Variants in PCDH15 observed in about 807,000 individuals in gnomAD.
PCDH15 encodes the protein protocadherin related 15.
A neutral mutation model predicts 178.5 loss-of-function variants in PCDH15; 129 were observed. The ratio of observed to expected loss-of-function variants is 0.72; its 90% CI spans 0.63 to 0.84. The LOEUF (loss-of-function observed/expected upper bound fraction) is 0.84. PCDH15 is among the 40% of genes least tolerant of loss of function. The probability of loss-of-function intolerance (pLI) is 0.00; values close to 1 mark genes in which losing one functional copy is unlikely to be tolerated. For synonymous variants in PCDH15, 800 were observed against 732.0 expected (o/e 1.09, Z -1.50); for missense variants, 2,230 against 2,099.9 (o/e 1.06, Z -1.21).
At chr10:53,878,759 G>C (rs1004732575) in intron 26 of PCDH15, among the ~76,000 whole-genome samples, 1 of 151,834 alleles carries the variant, frequency 6.6e-6, no homozygotes, top group Non-Finnish European at 1.5e-5. Flanking sequence ...GTGGTACCAC[G>C]TGCAGTCAGT....
chr10:54,071,920 A>T (rs77969317), intron 17 of PCDH15, among the ~76,000 whole-genome samples: 2,531 of 152,048 alleles, frequency 0.017, 70 homozygotes, highest in African/African-American at 0.056. Context: ...AATGTGTCTA[A>T]CGTGTTTACT....
chr10:54,581,999 G>T (rs2091085947), intron 2 of PCDH15, among the ~76,000 whole-genome samples: 2 of 151,956 alleles, frequency 1.3e-5, no homozygotes, highest in Non-Finnish European at 2.9e-5. Context: ...CATCATTTTT[G>T]ACATTAGGCT....
intron 2 of PCDH15, among the ~76,000 whole-genome samples, chr10:55,328,194 C>T (rs981486101): frequency 6.6e-6 from 1 of 151,484 alleles, no homozygotes. Flanking sequence ...CACACATACA[C>T]ACTACACTAT....
At chr10:54,252,034 A>C (rs1019092821) in intron 8 of PCDH15, among the ~76,000 whole-genome samples, 3 of 152,072 alleles carry the variant, frequency 2.0e-5, no homozygotes, top group African/African-American at 7.2e-5. Flanking sequence ...AAGGGATTCA[A>C]GTGTGTTTGA....
intron 32 of PCDH15, chr10:53,823,524 GAAAGGCAGGGCAGA>G (rs2076456824): frequency 5.1e-6 from 4 of 781,778 alleles, no homozygotes; most frequent in African/African-American, 1.7e-5. Flanking sequence ...CCTGCTCTTA[GAAAGGCAGGGCAGA>G]AAAATCTTAG....
chr10:54,516,293 C>A (rs1322472810), intron 3 of PCDH15, among the ~76,000 whole-genome samples: 1 of 120,012 alleles, frequency 8.3e-6, no homozygotes, highest in East Asian at 3.2e-4. Flanking sequence ...CAATGGCAAA[C>A]AAGTTAAAAA....
intron 25 of PCDH15, among the ~76,000 whole-genome samples, chr10:53,910,866 G>T (rs189145865): frequency 1.3e-5 from 2 of 152,096 alleles, no homozygotes; most frequent in Non-Finnish European, 2.9e-5. Context: ...CATGACACAT[G>T]AACAAGCTTC....
At chr10:55,335,090 G>C (rs1438331888) in intron 2 of PCDH15, among the ~76,000 whole-genome samples, 1 of 152,208 alleles carries the variant, frequency 6.6e-6, no homozygotes, top group African/African-American at 2.4e-5. Flanking sequence ...TTCTTCCTAA[G>C]TATCCATAGC....
intron 2 of PCDH15, among the ~76,000 whole-genome samples, chr10:54,544,596 T>C (rs923373001): frequency 1.3e-5 from 2 of 152,156 alleles, no homozygotes; most frequent in African/African-American, 4.8e-5. Flanking sequence ...TGTTTGCATA[T>C]ATCATACATT....
chr10:55,265,240 G>C (rs1842253928), intron 1 of PCDH15, among the ~76,000 whole-genome samples: 1 of 151,182 alleles, frequency 6.6e-6, no homozygotes, highest in Non-Finnish European at 1.5e-5. Context: ...GGGGGATCTT[G>C]GTAAGTTTCC....
chr10:54,411,197 G>C (rs1953454095), intron 3 of PCDH15, among the ~76,000 whole-genome samples: 1 of 140,312 alleles, frequency 7.1e-6, no homozygotes, highest in African/African-American at 2.6e-5. Context: ...TTTAACTACA[G>C]GCATGCTTAT....
chr10:54,242,285 A>T (rs942377696), intron 8 of PCDH15, among the ~76,000 whole-genome samples: 1 of 149,910 alleles, frequency 6.7e-6, no homozygotes, highest in Non-Finnish European at 1.5e-5. Flanking sequence ...ATTTAATAAA[A>T]TCTCAGCTTT....
chr10:55,282,181 T>C (rs1366153666), intron 1 of PCDH15, among the ~76,000 whole-genome samples: 1 of 152,214 alleles, frequency 6.6e-6, no homozygotes, highest in African/African-American at 2.4e-5. Flanking sequence ...TAAGACTCTG[T>C]ACCTCACTTC....
intron 8 of PCDH15, among the ~76,000 whole-genome samples, chr10:54,303,114 T>C (rs1188903866): frequency 6.6e-6 from 1 of 152,168 alleles, no homozygotes; most frequent in Non-Finnish European, 1.5e-5. Flanking sequence ...GGACTGGCTT[T>C]AAGAATTGGT....
chr10:54,557,246 G>A (rs1374577126), intron 2 of PCDH15, among the ~76,000 whole-genome samples: 41 of 152,080 alleles, frequency 2.7e-4, no homozygotes. Context: ...AGGTATTTTG[G>A]ACAATGATAA....
At chr10:55,114,298 C>G (rs555202342) in intron 2 of PCDH15, among the ~76,000 whole-genome samples, 38 of 152,280 alleles carry the variant, frequency 2.5e-4, no homozygotes, top group Admixed American at 2.2e-3. Context: ...CAATTGCTAG[C>G]CTTTGACTAA....
chr10:54,704,946 C>T lies in PCDH15; in HGVS notation c.-28-40656G>A, dbSNP rs549301229. On this transcript the variant is annotated intron_variant, in intron 1 of 37. Coordinates refer to ENST00000644397, the MANE Select transcript of PCDH15 (RefSeq NM_001384140.1). ...AATCAAAATGCCCATCAGTAGTGGA[C>T]TGGATAAAGAAAATGCAGCACTTAT... 2.8e-4 allele frequency among the ~76,000 whole-genome samples: 42 copies of T among 152,194 alleles called. No individual in the cohort carries two copies. In the South Asian group the frequency reaches 6.2e-3, roughly 23 times the overall value.
rs779346692 is a variant in PCDH15 at position 55,532,105 on chromosome 10, ATATT to A, written c.-156+95516_-156+95519del. Among the ~76,000 whole-genome samples, 472 of 152,184 alleles carry A rather than the reference ATATT, an allele frequency of 3.1e-3. 2 individuals are homozygous for A. Among genetic ancestry groups the A allele is most frequent in the Non-Finnish European group, 4.8e-3 (324 of 67,986 alleles). ...GTACATAGCTATTTATAATTTTCTA[ATATT>A]TATTTATCATAAAGATATAAAAAGA... On this transcript the variant is annotated intron_variant, in intron 2 of 5. Transcript: ENST00000613346.
intron 2 of PCDH15, among the ~76,000 whole-genome samples, chr10:54,638,099 C>A (rs1270208702): frequency 6.6e-6 from 1 of 151,942 alleles, no homozygotes; most frequent in Non-Finnish European, 1.5e-5. Context: ...CCCCCTCCAC[C>A]CTGTGTCACA....
Sources: allele counts gnomAD v4.1 joint callset (sites outside exome capture counted in the v4.1 genomes callset), GRCh38; gene constraint gnomAD v4.1.1; transcripts MANE v1.5; gene names NCBI Gene and HGNC (gene_info 2026-07-23, HGNC 2026-07-21).